Variants in ASIC2 observed in about 807,000 individuals in gnomAD.
ASIC2 encodes acid sensing ion channel subunit 2.
Under a neutral mutation model 57.3 loss-of-function variants are expected in ASIC2, and 25 were observed. The observed-to-expected ratio is 0.44, with a 90% confidence interval of 0.32 to 0.61. The LOEUF (loss-of-function observed/expected upper bound fraction) is 0.61, where lower values mean the gene tolerates loss of function less well. ASIC2 is among the 20% of genes least tolerant of loss of function. ASIC2 has a pLI of 0.06. For missense variants in ASIC2, 641 were observed against 738.1 expected, an observed-to-expected ratio of 0.87 and a Z score of 1.52; for synonymous variants, 319 against 307.5, an observed-to-expected ratio of 1.04 and a Z score of -0.39.
At chr17:33,437,542 C>G (rs4506950) in intron 1 of ASIC2, among the ~76,000 whole-genome samples, 1 of 151,872 alleles carries the variant, frequency 6.6e-6, no homozygotes, top group African/African-American at 2.4e-5. Context: ...TGGCTCATGC[C>G]GGTAATCCCA....
intron 1 of ASIC2, among the ~76,000 whole-genome samples, chr17:34,015,536 C>T (rs958755773): frequency 2.6e-5 from 4 of 152,224 alleles, no homozygotes; most frequent in African/African-American, 7.2e-5. Context: ...AGCATCTGCT[C>T]TCCTATCTCA....
At chr17:34,109,607 G>A (rs1305594123) in intron 1 of ASIC2, among the ~76,000 whole-genome samples, 2 of 152,040 alleles carry the variant, frequency 1.3e-5, no homozygotes, top group Admixed American at 1.3e-4. Flanking sequence ...TCCAACACTT[G>A]GTAACGTTAC....
intron 1 of ASIC2, among the ~76,000 whole-genome samples, chr17:33,645,635 A>C (rs1906715606): frequency 6.6e-6 from 1 of 151,918 alleles, no homozygotes; most frequent in African/African-American, 2.4e-5. Context: ...TAGGATCTTT[A>C]CTCCTTACCC....
At chr17:33,194,018 A>AGCACCTTG (rs1906530950) in intron 1 of ASIC2, among the ~76,000 whole-genome samples, 1 of 152,108 alleles carries the variant, frequency 6.6e-6, no homozygotes. Flanking sequence ...CCAGATCTGC[A>AGCACCTTG]GCACCTTGGC....
chr17:33,335,140 T>C (rs911675581), intron 1 of ASIC2, among the ~76,000 whole-genome samples: 1 of 152,164 alleles, frequency 6.6e-6, no homozygotes, highest in Non-Finnish European at 1.5e-5. Flanking sequence ...AAAATAGAAA[T>C]GCAAGCAGTT....
intron 1 of ASIC2, among the ~76,000 whole-genome samples, chr17:33,116,560 A>G (rs1378110476): frequency 6.6e-6 from 1 of 152,156 alleles, no homozygotes; most frequent in Non-Finnish European, 1.5e-5. Context: ...CTAGAATTGC[A>G]CTTAGTTGGA....
intron 1 of ASIC2, among the ~76,000 whole-genome samples, chr17:33,823,627 C>G (rs1434093271): frequency 6.6e-6 from 1 of 152,176 alleles, no homozygotes; most frequent in East Asian, 1.9e-4. Flanking sequence ...TATGTATGTC[C>G]TTTCTGTTCC....
chr17:34,130,246 GC>G (rs1389521076), intron 1 of ASIC2, among the ~76,000 whole-genome samples: 2 of 100,746 alleles, frequency 2.0e-5, no homozygotes, highest in Non-Finnish European at 4.7e-5. Flanking sequence ...ACCCAGCAAA[GC>G]TCCTTAAACC....
chr17:33,802,911 C>T (rs1173935874), intron 1 of ASIC2, among the ~76,000 whole-genome samples: 2 of 152,222 alleles, frequency 1.3e-5, no homozygotes, highest in Non-Finnish European at 2.9e-5. Context: ...CAGCAATGAA[C>T]TAGAGCCACA....
At chr17:33,814,840 T>C (rs1013088946) in intron 1 of ASIC2, among the ~76,000 whole-genome samples, 3 of 152,252 alleles carry the variant, frequency 2.0e-5, no homozygotes, top group Non-Finnish European at 2.9e-5. Context: ...TCTGTGCTAG[T>C]AGTGTCTTTT....
chr17:33,523,813 G>A (rs924673553), intron 1 of ASIC2, among the ~76,000 whole-genome samples: 2 of 152,200 alleles, frequency 1.3e-5, no homozygotes, highest in Non-Finnish European at 2.9e-5. Context: ...GCTCCAGGGA[G>A]GGGAAGCTCA....
chr17:33,078,869 T>G (rs537322653), intron 3 of ASIC2, among the ~76,000 whole-genome samples: 1 of 152,292 alleles, frequency 6.6e-6, no homozygotes, highest in South Asian at 2.1e-4. Flanking sequence ...TAGTAGGTGA[T>G]CAATAAATGT....
chr17:33,442,849 T>C (rs571399449), intron 1 of ASIC2, among the ~76,000 whole-genome samples: 8 of 152,318 alleles, frequency 5.3e-5, no homozygotes, highest in African/African-American at 1.9e-4. Flanking sequence ...CATTCTTGCA[T>C]TTTCTCTGAT....
At chr17:33,090,386 C>A (rs2092152735) in intron 2 of ASIC2, among the ~76,000 whole-genome samples, 1 of 152,182 alleles carries the variant, frequency 6.6e-6, no homozygotes, top group African/African-American at 2.4e-5. Flanking sequence ...CTCTCTGGAC[C>A]TCAAAGGTCC....
chr17:34,061,998 AT>A (rs1908986968), intron 1 of ASIC2, among the ~76,000 whole-genome samples: 1 of 152,216 alleles, frequency 6.6e-6, no homozygotes, highest in South Asian at 2.1e-4. Context: ...GAAACAATGG[AT>A]TTAAACTATA....
At chr17:33,806,182 G>A (rs1912262498) in intron 1 of ASIC2, among the ~76,000 whole-genome samples, 1 of 152,156 alleles carries the variant, frequency 6.6e-6, no homozygotes, top group South Asian at 2.1e-4. Context: ...AAGCGGCAAT[G>A]ATTTCAGGCT....
intron 1 of ASIC2, chr17:34,039,396 A>C (rs991927679): frequency 1.9e-6 from 3 of 1,613,808 alleles, no homozygotes; most frequent in Admixed American, 1.7e-5. Flanking sequence ...GCTCTGTGTC[A>C]AGCCGAGGTT....
Position 33,998,079 on chromosome 17 carries a change from C to A in ASIC2, c.555+157899G>T, listed in dbSNP as rs573955817. ...ATTCAATCTCCTTTCTTGTTATTGG[C>A]CTGTTCAGATTATCTGTTGCCTCAT... On this transcript the variant is annotated intron_variant, in intron 1 of 9. Coordinates refer to the ASIC2 transcript ENST00000359872. Among the ~76,000 whole-genome samples the A allele has an allele frequency of 8.5e-5, 13 of 152,088 alleles. No homozygotes were observed. In the East Asian group the frequency reaches 2.5e-3, roughly 29 times the overall value.
chr17:33,976,333 A>G (rs1905385118), intron 1 of ASIC2, among the ~76,000 whole-genome samples: 2 of 152,068 alleles, frequency 1.3e-5, no homozygotes. Flanking sequence ...ATAGTCTCAT[A>G]TAGTGAGTCC....
Sources: allele counts gnomAD v4.1 joint callset (sites outside exome capture counted in the v4.1 genomes callset), GRCh38; gene constraint gnomAD v4.1.1; transcripts MANE v1.5; gene names NCBI Gene and HGNC (gene_info 2026-07-23, HGNC 2026-07-21).